The following TRHDE variants were observed in gnomAD, a reference collection of about 807,000 sequenced individuals.
TRHDE encodes the protein thyrotropin-releasing hormone-degrading ectoenzyme.
TRHDE carries 72 observed loss-of-function variants against 125.7 expected under a neutral mutation model. That is an observed-to-expected ratio of 0.57 (90% CI 0.47 to 0.70). The LOEUF (loss-of-function observed/expected upper bound fraction) is 0.70, where lower values mean the gene tolerates loss of function less well. Ranked by LOEUF, TRHDE falls within the 30% of genes least tolerant of loss-of-function variation. The probability of loss-of-function intolerance (pLI) is 0.00; values close to 1 mark genes in which losing one functional copy is unlikely to be tolerated. For missense variants in TRHDE, 1,110 were observed against 1,327.1 expected (o/e 0.84, Z 2.54); for synonymous variants, 509 against 509.1 (o/e 1.00, Z 0.00).
At chr12:72,136,441 C>T (rs562285527) in intron 2 of TRHDE, among the ~76,000 whole-genome samples, 4 of 152,104 alleles carry the variant, frequency 2.6e-5, no homozygotes, top group South Asian at 2.1e-4. Flanking sequence ...TCCAAAGTAA[C>T]GGGGAATTTA....
chr12:72,633,011 G>A (rs1016401871), intron 15 of TRHDE, among the ~76,000 whole-genome samples: 2 of 151,862 alleles, frequency 1.3e-5, no homozygotes, highest in African/African-American at 4.8e-5. Flanking sequence ...GCTACTTAAC[G>A]TTCATCATCC....
chr12:72,450,607 C>A (rs559122894), intron 3 of TRHDE, among the ~76,000 whole-genome samples: 1 of 152,184 alleles, frequency 6.6e-6, no homozygotes, highest in East Asian at 1.9e-4. Flanking sequence ...ACAACTTGAA[C>A]TTATTCCTCC....
intron 2 of TRHDE, among the ~76,000 whole-genome samples, chr12:72,143,151 G>A (rs891682710): frequency 6.6e-6 from 1 of 152,094 alleles, no homozygotes; most frequent in Admixed American, 6.5e-5. Flanking sequence ...GGGGCTGAGA[G>A]CCCAAAGCAC....
At chr12:72,351,773 A>C (rs538955561) in intron 2 of TRHDE, among the ~76,000 whole-genome samples, 1 of 152,022 alleles carries the variant, frequency 6.6e-6, no homozygotes, top group Admixed American at 6.6e-5. Context: ...TAAAGAACAA[A>C]CACTTAAGAT....
At chr12:72,270,751 A>AT (rs1373229154), upstream of TRHDE, among the ~76,000 whole-genome samples, 1 of 152,212 alleles carries the variant, frequency 6.6e-6, no homozygotes, top group East Asian at 1.9e-4. Context: ...TGTTTTCTGA[A>AT]TATTGTTCCA....
chr12:72,092,118 T>C (rs978459541), intron 1 of TRHDE, among the ~76,000 whole-genome samples: 1 of 152,216 alleles, frequency 6.6e-6, no homozygotes, highest in African/African-American at 2.4e-5. Context: ...ACAGAATATC[T>C]GATCTTAGAA....
intron 2 of TRHDE, among the ~76,000 whole-genome samples, chr12:72,312,531 C>A (rs1463385329): frequency 6.6e-6 from 1 of 152,106 alleles, no homozygotes; most frequent in African/African-American, 2.4e-5. Context: ...AATAATGCAA[C>A]AAATGATACT....
chr12:72,525,329 C>T (rs1868312582), intron 6 of TRHDE, among the ~76,000 whole-genome samples: 1 of 151,856 alleles, frequency 6.6e-6, no homozygotes, highest in Non-Finnish European at 1.5e-5. Context: ...TTAAAATATT[C>T]TATTTTGAAG....
At chr12:72,660,984 A>G (rs2136116828) in intron 18 of TRHDE, among the ~76,000 whole-genome samples, 1 of 152,280 alleles carries the variant, frequency 6.6e-6, no homozygotes, top group African/African-American at 2.4e-5. Context: ...GCTATGGAGA[A>G]TTATGGGGCA....
intron 6 of TRHDE, among the ~76,000 whole-genome samples, chr12:72,515,454 T>G (rs1878802468): frequency 6.6e-6 from 1 of 152,002 alleles, no homozygotes; most frequent in Non-Finnish European, 1.5e-5. Flanking sequence ...AAGTGTCTGT[T>G]CATGTCCTTT....
At chr12:72,342,616 G>A (rs1377545472) in intron 2 of TRHDE, among the ~76,000 whole-genome samples, 3 of 152,030 alleles carry the variant, frequency 2.0e-5, no homozygotes, top group Non-Finnish European at 4.4e-5. Flanking sequence ...AAACATTGGA[G>A]TATAATTTAT....
intron 2 of TRHDE, among the ~76,000 whole-genome samples, chr12:72,240,825 GC>G (rs2139380880): frequency 6.6e-6 from 1 of 152,178 alleles, no homozygotes; most frequent in Admixed American, 6.5e-5. Context: ...ACCCACCTCG[GC>G]CTCCCAAAGT....
intron 6 of TRHDE, among the ~76,000 whole-genome samples, chr12:72,507,167 T>C (rs1046780367): frequency 6.6e-6 from 1 of 152,196 alleles, no homozygotes; most frequent in Non-Finnish European, 1.5e-5. Context: ...CCTCTTTTCT[T>C]TATGAACTAC....
intron 2 of TRHDE, among the ~76,000 whole-genome samples, chr12:72,375,135 G>C (rs144434136): frequency 9.2e-5 from 14 of 152,144 alleles, no homozygotes; most frequent in African/African-American, 1.4e-4. Flanking sequence ...TTCATCCTTT[G>C]AAATGGCAGG....
At chr12:72,499,088 A>G (rs1878038490) in intron 5 of TRHDE, among the ~76,000 whole-genome samples, 1 of 152,076 alleles carries the variant, frequency 6.6e-6, no homozygotes, top group Non-Finnish European at 1.5e-5. Context: ...TGAATAACAG[A>G]AGGTTAGTAC....
chr12:72,245,853 C>T (rs1878566316), intron 2 of TRHDE, among the ~76,000 whole-genome samples: 1 of 151,938 alleles, frequency 6.6e-6, no homozygotes, highest in South Asian at 2.1e-4. Flanking sequence ...TTTCAATATA[C>T]TTAAGTTCAT....
chr12:72,364,360 T>G (rs576215573), intron 2 of TRHDE, among the ~76,000 whole-genome samples: 4 of 152,154 alleles, frequency 2.6e-5, no homozygotes, highest in Admixed American at 6.6e-5. Flanking sequence ...GAATAATACC[T>G]TCTGAGTGAT....
intron 15 of TRHDE, among the ~76,000 whole-genome samples, chr12:72,642,360 G>C (rs1450166025): frequency 6.6e-6 from 1 of 152,032 alleles, no homozygotes; most frequent in Non-Finnish European, 1.5e-5. Context: ...AAATATGAAA[G>C]TAAATTATTT....
intron 2 of TRHDE, among the ~76,000 whole-genome samples, chr12:72,337,360 G>A (rs1258290710): frequency 1.3e-5 from 2 of 152,136 alleles, no homozygotes; most frequent in African/African-American, 2.4e-5. Flanking sequence ...TCACCCTTCT[G>A]GTGCTTTGCC....
Sources: gnomAD v4.1 joint callset for allele counts (sites outside exome capture counted in the v4.1 genomes callset) on GRCh38, gnomAD v4.1.1 for gene constraint, MANE v1.5 for transcripts, NCBI Gene and HGNC (gene_info 2026-07-23, HGNC 2026-07-21) for gene names.